The following OTUD4 variants were observed in gnomAD, a reference collection of about 807,000 sequenced individuals.
The protein encoded by OTUD4 is OTU deubiquitinase 4, also known as OTU domain-containing protein 4.
Under a neutral mutation model 130.4 loss-of-function variants are expected in OTUD4, and 24 were observed. The observed-to-expected ratio is 0.18, with a 90% confidence interval of 0.13 to 0.26. OTUD4 has a LOEUF of 0.26. Ranked by LOEUF, OTUD4 falls within the 10% of genes least tolerant of loss-of-function variation. The pLI is 1.00. For synonymous variants in OTUD4, 420 were observed against 472.5 expected (o/e 0.89, Z 1.44); for missense variants, 1,031 against 1,329.4 (o/e 0.78, Z 3.49).
intron 13 of OTUD4, among the ~76,000 whole-genome samples, chr4:145,147,318 T>C (rs1307456271): frequency 6.6e-6 from 1 of 152,042 alleles, no homozygotes; most frequent in Non-Finnish European, 1.5e-5. Context: ...ATAATCACAC[T>C]CTAATTACAA....
At chr4:145,142,696 GTTAAA>G (rs1750620089) in intron 17 of OTUD4, among the ~76,000 whole-genome samples, 1 of 152,240 alleles carries the variant, frequency 6.6e-6, no homozygotes, top group Non-Finnish European at 1.5e-5. Context: ...CACTAGCAGA[GTTAAA>G]TACAACACAA....
chr4:145,137,274 G>A lies in OTUD4; in HGVS notation c.*156C>T. 5 of 603,688 alleles carry A rather than the reference G, an allele frequency of 8.3e-6. No homozygotes were observed. In the South Asian group the frequency reaches 1.2e-4, roughly 15 times the overall value. The allele number at this position is 603,688 out of a possible 1,614,324, so 37.4% of individuals were successfully genotyped here. A position where few individuals can be genotyped will look rare whatever the true frequency, so the allele number is the denominator to read the frequency against. On this transcript the variant is annotated 3_prime_UTR_variant, in exon 21 of 21. Coordinates refer to ENST00000447906, the MANE Select transcript of OTUD4 (RefSeq NM_001366057.1). The stretch of plus-strand genomic sequence containing the variant: ...AATTAACCTGCCCCCTTGAACTCAT[G>A]TCCAAAATGTCTTGTCCAGTATGGG...
intron 6 of OTUD4, 77 bp downstream of exon 6, chr4:145,162,563 A>C: frequency 1.2e-6 from 1 of 813,252 alleles, no homozygotes; most frequent in Non-Finnish European, 1.9e-6. Flanking sequence ...AAAAAAAACA[A>C]AAAACAAAAC....
intron 18 of OTUD4, among the ~76,000 whole-genome samples, chr4:145,141,929 C>T (rs1188393740): frequency 6.6e-6 from 1 of 152,136 alleles, no homozygotes; most frequent in African/African-American, 2.4e-5. Flanking sequence ...AAGCATCAAA[C>T]CGTGGTGCTA....
At chr4:145,155,540 T>G in intron 9 of OTUD4, 29 bp downstream of exon 9, 1 of 1,599,914 alleles carries the variant, frequency 6.3e-7, no homozygotes, top group South Asian at 1.1e-5. Context: ...ACAAAGCAAA[T>G]TTATGGAAAA....
At position 145,137,927 on chromosome 4, in the gene OTUD4, A is replaced by G; in HGVS notation, c.2848T>C (p.Leu950=). 6.2e-7 allele frequency: 1 copy of G among 1,614,142 alleles called. No individual in the cohort carries two copies. The highest frequency in any genetic ancestry group is 8.5e-7 in the Non-Finnish European group (1 of 1,180,038). The part of the protein sequence containing the change: ...SSQTRKADTA[L]ASIPPVAEGK... ...TCTGCTACAGGAGGGATGGAAGCCA[A>G]TGCCGTATCTGCCTTTCGTGTCTGG... The change falls in exon 21 of 21, where the codon TTG becomes CTG. Residue 950 remains leucine (L), a synonymous_variant. Transcript: ENST00000447906.
intron 1 of OTUD4, chr4:145,177,990 T>C (rs1752505444): frequency 6.6e-6 from 1 of 152,360 alleles, no homozygotes; most frequent in Non-Finnish European, 1.5e-5. Flanking sequence ...AACTGTAGCC[T>C]ACTGAATAAC....
At chr4:145,139,242 T>C (rs1165487972) in intron 20 of OTUD4, among the ~76,000 whole-genome samples, 2 of 152,170 alleles carry the variant, frequency 1.3e-5, no homozygotes, top group African/African-American at 4.8e-5. Context: ...ATTAAATACA[T>C]TAAAATTAAG....
At chr4:145,167,008 G>A (rs940550750) in intron 3 of OTUD4, among the ~76,000 whole-genome samples, 1 of 152,090 alleles carries the variant, frequency 6.6e-6, no homozygotes, top group Non-Finnish European at 1.5e-5. Context: ...CATATATATT[G>A]GTACATGTGC....
Position 145,159,526 on chromosome 4 carries a change from T to C in OTUD4, c.606A>G (p.Ser202=). The change falls in exon 7 of 21, where the codon TCA becomes TCG. Residue 202 remains serine (S), a synonymous_variant. Transcript: ENST00000447906. ...ACTTGCAACTGTCATCCTCTGAATC[T>C]GATATTTCACTGTTATCTTCATCAG... ...EVADEDNSEI[S]DSEDDSCKSK... is the part of the protein sequence containing the mutation. The C allele has an allele frequency of 6.2e-7, 1 of 1,613,592 alleles. No individual in the cohort carries two copies. Among genetic ancestry groups the C allele is most frequent in the Non-Finnish European group, 8.5e-7 (1 of 1,179,692 alleles).
chr4:145,179,545 G>T, intron 1 of OTUD4: 1 of 1,166,092 alleles, frequency 8.6e-7, no homozygotes, highest in African/African-American at 1.6e-5. Context: ...TACAAGCTCC[G>T]AGCAGGCCTC....
At chr4:145,169,822 A>G (rs374956493) in intron 3 of OTUD4, among the ~76,000 whole-genome samples, 2 of 152,350 alleles carry the variant, frequency 1.3e-5, no homozygotes, top group South Asian at 2.1e-4. Flanking sequence ...TGTTGCTAGT[A>G]ACAAAAAAGA....
intron 5 of OTUD4, 91 bp downstream of exon 5, chr4:145,164,063 A>C: frequency 1.6e-6 from 1 of 645,002 alleles, no homozygotes; most frequent in Admixed American, 3.2e-5. Context: ...ATATTTCAAA[A>C]AATCATTTAA....
chr4:145,162,739 A>T lies in OTUD4; in HGVS notation c.415-18T>A. On this transcript the variant is annotated intron_variant, in intron 5 of 20. Coordinates refer to ENST00000447906, the MANE Select transcript of OTUD4 (RefSeq NM_001366057.1). ...AGTAACACCTGAAAGGGAAAAATAA[A>T]AGAAACATTTCAGCCCCTCATACAT... is the stretch of plus-strand genomic sequence containing the variant. 7.4e-7 allele frequency: 1 copy of T among 1,358,738 alleles called. No individual in the cohort carries two copies. The highest frequency in any genetic ancestry group is 1.0e-6 in the Non-Finnish European group (1 of 967,092). 84.2% of individuals were successfully genotyped at this position (1,358,738 alleles called of 1,614,324 possible).
rs1278899014 is a variant in OTUD4, at chr4:145,133,805, A to C, written c.*3625T>G. ...TAGAAAAATAAACAGGAATATATTC[A>C]ACACTTACAAAAAGTGATATGATAA... On this transcript the variant is annotated 3_prime_UTR_variant, in exon 21 of 21. Transcript: ENST00000447906. 1 of 152,660 alleles carries C rather than the reference A, an allele frequency of 6.6e-6. No homozygotes were observed. The highest frequency in any genetic ancestry group is 1.5e-5 in the Non-Finnish European group (1 of 68,034). 9.5% of individuals were successfully genotyped at this position (152,660 alleles called of 1,614,324 possible). A position where few individuals can be genotyped will look rare whatever the true frequency, so the allele number is the denominator to read the frequency against.
intron 7 of OTUD4, among the ~76,000 whole-genome samples, chr4:145,156,346 A>C (rs903467315): frequency 9.9e-5 from 15 of 152,246 alleles, no homozygotes; most frequent in Non-Finnish European, 1.8e-4. Flanking sequence ...ATCCATTTAC[A>C]ACAAAAGTAT....
chr4:145,134,902 T>C lies in OTUD4; in HGVS notation c.*2528A>G, dbSNP rs1446522461. On this transcript the variant is annotated 3_prime_UTR_variant, in exon 21 of 21. Transcript: ENST00000447906. ...CATAATATGGTGAAGTTTCATAATT[T>C]CCAACTCAAAAATACAAATGATCCT... The C allele has an allele frequency of 2.5e-6, 1 of 398,800 alleles. No individual in the cohort carries two copies. Among genetic ancestry groups the C allele is most frequent in the Non-Finnish European group, 4.4e-6 (1 of 225,938 alleles). 24.7% of individuals were successfully genotyped at this position (398,800 alleles called of 1,614,324 possible). A position where few individuals can be genotyped will look rare whatever the true frequency, so the allele number is the denominator to read the frequency against.
chr4:145,164,772 A>T (rs951540996), intron 4 of OTUD4, among the ~76,000 whole-genome samples: 2 of 152,096 alleles, frequency 1.3e-5, no homozygotes, highest in Non-Finnish European at 2.9e-5. Flanking sequence ...GAAATCCAAA[A>T]ACTTCTGGAC....
Position 145,164,111 on chromosome 4 carries a change from T to C in OTUD4, c.414+43A>G, listed in dbSNP as rs201215492. On this transcript the variant is annotated intron_variant, in intron 5 of 20. Transcript: ENST00000447906. ...TGAGGTCATGGTAGCAACTAAGCGG[T>C]TCTTTTACTTAAATACTTTAGAACA... 4.5e-4 allele frequency: 394 copies of C among 871,156 alleles called. 2 individuals carry two copies. The East Asian group carries it at 9.8e-3, about 22-fold the overall frequency. The allele number at this position is 871,156 out of a possible 1,614,324, so 54.0% of individuals were successfully genotyped here. A position where few individuals can be genotyped will look rare whatever the true frequency, so the allele number is the denominator to read the frequency against.
Sources: allele counts gnomAD v4.1 joint callset (sites outside exome capture counted in the v4.1 genomes callset), GRCh38; gene constraint gnomAD v4.1.1; transcripts MANE v1.5; gene names NCBI Gene and HGNC (gene_info 2026-07-23, HGNC 2026-07-21).